The following MPPED2 variants were observed in gnomAD, a reference collection of about 807,000 sequenced individuals.
MPPED2 encodes the protein metallophosphoesterase domain containing 2.
MPPED2 carries 5 observed loss-of-function variants against 33.0 expected under a neutral mutation model. The observed-to-expected ratio is 0.15, with a 90% confidence interval of 0.08 to 0.32. MPPED2 has a LOEUF of 0.32. Among genes scored for constraint, MPPED2 ranks in the 10% least tolerant of loss-of-function variants. MPPED2 has a pLI of 1.00. For missense variants in MPPED2, 275 were observed against 372.1 expected, an observed-to-expected ratio of 0.74 and a Z score of 2.15; for synonymous variants, 136 against 141.9, an observed-to-expected ratio of 0.96 and a Z score of 0.29.
intron 2 of MPPED2, 36 bp downstream of exon 2, chr11:30,580,210 A>C: frequency 6.3e-7 from 1 of 1,588,034 alleles, no homozygotes; most frequent in Admixed American, 1.7e-5. Context: ...TATTTTCTTG[A>C]TTGCTAATTT....
At chr11:30,575,611 A>C (rs2134863948) in intron 2 of MPPED2, among the ~76,000 whole-genome samples, 1 of 152,316 alleles carries the variant, frequency 6.6e-6, no homozygotes, top group East Asian at 1.9e-4. Context: ...CTGGTTAATT[A>C]CAGATAGCGC....
chr11:30,558,871 G>C (rs958312902), intron 2 of MPPED2, among the ~76,000 whole-genome samples: 2 of 151,522 alleles, frequency 1.3e-5, no homozygotes, highest in Admixed American at 6.6e-5. Context: ...TTTTCAAATA[G>C]TCCACAAACC....
intron 2 of MPPED2, among the ~76,000 whole-genome samples, chr11:30,577,953 G>A (rs922422326): frequency 2.7e-4 from 41 of 152,152 alleles, no homozygotes; most frequent in African/African-American, 9.4e-4. Context: ...TCTTTAAGAA[G>A]TAAAAAATTA....
chr11:30,475,353 A>C (rs1453391013), intron 4 of MPPED2, among the ~76,000 whole-genome samples: 2 of 152,186 alleles, frequency 1.3e-5, no homozygotes, highest in Non-Finnish European at 2.9e-5. Context: ...AAAATGTTGC[A>C]GATATATACA....
chr11:30,458,003 A>C (rs1352952316), intron 4 of MPPED2, among the ~76,000 whole-genome samples: 1 of 152,208 alleles, frequency 6.6e-6, no homozygotes, highest in African/African-American at 2.4e-5. Flanking sequence ...ATGGAGCCCC[A>C]CATACGATAA....
intron 3 of MPPED2, among the ~76,000 whole-genome samples, chr11:30,502,957 C>T (rs955147826): frequency 6.6e-6 from 1 of 152,248 alleles, no homozygotes; most frequent in African/African-American, 2.4e-5. Flanking sequence ...TTAGGTCAAA[C>T]CAAAATCCAA....
At chr11:30,571,640 C>T (rs1479574374) in intron 2 of MPPED2, among the ~76,000 whole-genome samples, 1 of 151,994 alleles carries the variant, frequency 6.6e-6, no homozygotes, top group African/African-American at 2.4e-5. Context: ...GGGAAAAAGA[C>T]ATGGGAAGGA....
chr11:30,488,108 T>C (rs1411571007), intron 4 of MPPED2, among the ~76,000 whole-genome samples: 5 of 152,206 alleles, frequency 3.3e-5, no homozygotes, highest in Non-Finnish European at 7.3e-5. Flanking sequence ...TCACTTTCTC[T>C]GTCAAAAACT....
intron 2 of MPPED2, among the ~76,000 whole-genome samples, chr11:30,564,196 C>T (rs1357618753): frequency 6.6e-6 from 1 of 152,116 alleles, no homozygotes; most frequent in Non-Finnish European, 1.5e-5. Flanking sequence ...TTCTAATTGA[C>T]CCCAAGGTAA....
At chr11:30,493,159 G>A (rs540745577) in intron 4 of MPPED2, among the ~76,000 whole-genome samples, 1 of 152,084 alleles carries the variant, frequency 6.6e-6, no homozygotes, top group Admixed American at 6.5e-5. Context: ...CGAGGCGGGC[G>A]GATCACGAGG....
chr11:30,408,022 C>T (rs193261630), downstream of MPPED2, among the ~76,000 whole-genome samples: 550 of 152,272 alleles, frequency 3.6e-3, 5 homozygotes, highest in African/African-American at 0.013. Context: ...AGATGTCAGA[C>T]AGTGATCTCC....
At chr11:30,457,698 C>T (rs996071719) in intron 4 of MPPED2, among the ~76,000 whole-genome samples, 1 of 152,128 alleles carries the variant, frequency 6.6e-6, no homozygotes, top group Non-Finnish European at 1.5e-5. Context: ...AATTCCCAAA[C>T]CAGGATTTGA....
At chr11:30,423,067 G>A in intron 4 of MPPED2, among the ~76,000 whole-genome samples, 1 of 152,180 alleles carries the variant, frequency 6.6e-6, no homozygotes, top group East Asian at 1.9e-4. Flanking sequence ...AGCAAGTTAG[G>A]ACGAAATCGC....
At position 30,410,885 on chromosome 11, in the gene MPPED2, TC is replaced by T. The variant is rs1371738521; in HGVS notation, c.*582del. 4.6e-5 allele frequency: 45 copies of T among 985,586 alleles called. No individual in the cohort carries two copies. Among genetic ancestry groups the T allele is most frequent in the Non-Finnish European group, 5.4e-5 (45 of 829,910 alleles). The allele number at this position is 985,586 out of a possible 1,614,324, so 61.1% of individuals were successfully genotyped here. The stretch of plus-strand genomic sequence containing the variant: ...AATAGGAATCTCACTAGTTAAACCA[TC>T]CTTTAAATGACAGCCATTTTCTTCT... On this transcript the variant is annotated 3_prime_UTR_variant, in exon 7 of 7. Transcript: ENST00000358117.
intron 3 of MPPED2, among the ~76,000 whole-genome samples, chr11:30,519,516 A>T (rs1370167674): frequency 6.6e-6 from 1 of 151,890 alleles, no homozygotes; most frequent in African/African-American, 2.4e-5. Flanking sequence ...GAATGCTAGG[A>T]TACACATATA....
intron 6 of MPPED2, among the ~76,000 whole-genome samples, chr11:30,393,597 G>A (rs888722322): frequency 8.2e-6 from 1 of 122,348 alleles, no homozygotes; most frequent in Non-Finnish European, 1.9e-5. Context: ...AGGAGTTTTT[G>A]TTATGTTTAG....
chr11:30,391,839 G>T (rs1187951780), intron 6 of MPPED2, among the ~76,000 whole-genome samples: 2 of 152,100 alleles, frequency 1.3e-5, no homozygotes, highest in Admixed American at 6.5e-5. Flanking sequence ...CCCAACATTA[G>T]GCTTTAAATT....
chr11:30,388,646 G>A, exon 7 of MPPED2: 1 of 365,896 alleles, frequency 2.7e-6, no homozygotes. Context: ...TTTATGCACT[G>A]GCCCCACCTC....
At chr11:30,481,627 A>G (rs1951492612) in intron 4 of MPPED2, among the ~76,000 whole-genome samples, 1 of 152,108 alleles carries the variant, frequency 6.6e-6, no homozygotes, top group South Asian at 2.1e-4. Context: ...GAATACAAAT[A>G]AGCAAAGGTA....
Sources: gnomAD v4.1 joint callset for allele counts (sites outside exome capture counted in the v4.1 genomes callset) on GRCh38, gnomAD v4.1.1 for gene constraint, MANE v1.5 for transcripts, NCBI Gene and HGNC (gene_info 2026-07-23, HGNC 2026-07-21) for gene names.